COL5A1: variants seen among roughly 807,000 people sequenced by gnomAD.
COL5A1 encodes the protein collagen alpha-1(V) chain.
A neutral mutation model predicts 263.7 loss-of-function variants in COL5A1; 16 were observed. The ratio of observed to expected loss-of-function variants is 0.06; its 90% CI spans 0.04 to 0.09. COL5A1 has a LOEUF of 0.09. Among genes scored for constraint, COL5A1 ranks in the 10% least tolerant of loss-of-function variants. The pLI is 1.00. For synonymous variants in COL5A1, 1,012 were observed against 1,004.5 expected (o/e 1.01, Z -0.14); for missense variants, 2,036 against 2,540.5 (o/e 0.80, Z 4.27).
chr9:134,842,431 C>T lies in COL5A1; in HGVS notation c.*128C>T. On this transcript the variant is annotated 3_prime_UTR_variant, in exon 66 of 66. Coordinates refer to ENST00000371817, the MANE Select transcript of COL5A1 (RefSeq NM_000093.5). The surrounding 1 kb of genome is among the most constrained non-coding windows in gnomAD (Gnocchi z 5.8). ...TCCCTCCCCTCCCACCTGACTTCATCTACGCCTCGGCACCACGGGGTGTGG... is the reference window on the plus strand; with the variant it reads ...TCCCTCCCCTCCCACCTGACTTCATTTACGCCTCGGCACCACGGGGTGTGG... The T allele has an allele frequency of 9.3e-6, 11 of 1,183,230 alleles. No individual in the cohort carries two copies. Among genetic ancestry groups the T allele is most frequent in the Non-Finnish European group, 1.2e-5 (10 of 826,768 alleles). The allele number at this position is 1,183,230 out of a possible 1,614,324, so 73.3% of individuals were successfully genotyped here. A position where few individuals can be genotyped will look rare whatever the true frequency, so the allele number is the denominator to read the frequency against.
At chr9:134,772,225 C>T (rs1836887133) in intron 25 of COL5A1, among the ~76,000 whole-genome samples, 1 of 152,256 alleles carries the variant, frequency 6.6e-6, no homozygotes, top group Non-Finnish European at 1.5e-5. Context: ...AGCCCTCCAC[C>T]CCGCACCAAC....
rs1055440935 is a variant in COL5A1, at chr9:134,678,608, G to A, written c.110-12304G>A. Among the ~76,000 whole-genome samples the A allele has an allele frequency of 1.3e-5, 2 of 152,246 alleles. No individual in the cohort carries two copies. Among genetic ancestry groups the A allele is most frequent in the African/African-American group, 2.4e-5 (1 of 41,466 alleles). On this transcript the variant is annotated intron_variant, in intron 1 of 65. Transcript: ENST00000371817. The surrounding 1 kb of genome is among the most constrained non-coding windows in gnomAD (Gnocchi z 5.5). The stretch of plus-strand genomic sequence containing the variant: ...AGAGCCTGTTTTTATCCTGGCTGCT[G>A]TCATTCCTGAGCTGATGTGCACTCC...
rs3922643 is a variant in COL5A1, at chr9:134,701,534, C to T, written c.654+201C>T. Among the ~76,000 whole-genome samples the T allele has an allele frequency of 0.38, 57,933 of 152,170 alleles. 12,447 individuals are homozygous for T. Among genetic ancestry groups the T allele is most frequent in the African/African-American group, 0.59 (24,427 of 41,528 alleles). On this transcript the variant is annotated intron_variant, in intron 4 of 65. Coordinates refer to ENST00000371817, the MANE Select transcript of COL5A1 (RefSeq NM_000093.5). The stretch of plus-strand genomic sequence containing the variant: ...GGAAATGGAGGGGCCAGAGCTGCTG[C>T]CGCCTGTAGGCCGCGTGGGGATGGC...
chr9:134,715,686 A>G (rs975306361), intron 4 of COL5A1, among the ~76,000 whole-genome samples: 5 of 152,238 alleles, frequency 3.3e-5, no homozygotes, highest in African/African-American at 9.6e-5. Flanking sequence ...TTTGTTTAAC[A>G]AAGCACATCC....
In COL5A1 at chr9:134,757,957, G is replaced by A. The variant is rs1359879713; in HGVS notation, c.1882-286G>A. ...ACTCACACACACGGGAAACTGCAGC[G>A]GTCGCTGAAATACCGCATGACTAAG... On this transcript the variant is annotated intron_variant, in intron 17 of 65. Transcript: ENST00000371817. The surrounding 1 kb of genome is among the most constrained non-coding windows in gnomAD (Gnocchi z 6.2). 2.6e-5 allele frequency among the ~76,000 whole-genome samples: 4 copies of A among 152,184 alleles called. No individual in the cohort carries two copies. Among genetic ancestry groups the A allele is most frequent in the East Asian group, 1.9e-4 (1 of 5,184 alleles).
rs536874107 is a variant in COL5A1 at position 134,843,800 on chromosome 9, A to G, written c.*1497A>G. 1.8e-4 allele frequency: 28 copies of G among 152,812 alleles called. No individual in the cohort carries two copies. Among genetic ancestry groups the G allele is most frequent in the African/African-American group, 6.5e-4 (27 of 41,590 alleles). The allele number at this position is 152,812 out of a possible 1,614,324, so 9.5% of individuals were successfully genotyped here. On this transcript the variant is annotated 3_prime_UTR_variant, in exon 66 of 66. Coordinates refer to ENST00000371817, the MANE Select transcript of COL5A1 (RefSeq NM_000093.5). Reference sequence around the variant, plus strand: ...GATGGAGTAATGTACAATGAACTCCATGAGTCTCTCCAGGGCTGCCTGCAG... The same window carrying G: ...GATGGAGTAATGTACAATGAACTCCGTGAGTCTCTCCAGGGCTGCCTGCAG...
At position 134,842,542 on chromosome 9, in the gene COL5A1, G is replaced by GGCCC; in HGVS notation, c.*244_*247dup. On this transcript the variant is annotated 3_prime_UTR_variant, in exon 66 of 66. Transcript: ENST00000371817. This position sits in a 1 kb window ranked among gnomAD's most constrained non-coding sequence, Gnocchi z 5.8. Reference sequence around the variant, plus strand: ...TGACCTAGCTGCACCCCAGCGCCTGGGCCCGCCCCACGCTCTGTCCACACC... The same window carrying GGCCC: ...TGACCTAGCTGCACCCCAGCGCCTGGGCCCGCCCGCCCCACGCTCTGTCCACACC... The GGCCC allele has an allele frequency of 1.7e-6, 1 of 603,436 alleles. No homozygotes were observed. The highest frequency in any genetic ancestry group is 2.0e-5 in the South Asian group (1 of 51,272). 37.4% of individuals were successfully genotyped at this position (603,436 alleles called of 1,614,324 possible).
chr9:134,687,493 TCCATCCAC>T (rs1379183991), intron 1 of COL5A1, among the ~76,000 whole-genome samples: 1 of 152,050 alleles, frequency 6.6e-6, no homozygotes, highest in Non-Finnish European at 1.5e-5. Flanking sequence ...CATCCATCCA[TCCATCCAC>T]CATGTGATGG....
intron 63 of COL5A1, among the ~76,000 whole-genome samples, chr9:134,828,193 C>T (rs1026444026): frequency 6.6e-6 from 1 of 152,144 alleles, no homozygotes; most frequent in Non-Finnish European, 1.5e-5. Context: ...GCAGGTCTCC[C>T]CTCAGAGGAA....
chr9:134,756,964 G>A (rs1448810233), intron 17 of COL5A1, 146 bp downstream of exon 17: 1 of 814,516 alleles, frequency 1.2e-6, no homozygotes, highest in Admixed American at 2.0e-5. Flanking sequence ...TGAAGATAGG[G>A]TTGGTGGGTG....
chr9:134,654,878 G>A (rs1366163115), intron 1 of COL5A1, among the ~76,000 whole-genome samples: 8 of 131,498 alleles, frequency 6.1e-5, no homozygotes, highest in Admixed American at 1.5e-4. Context: ...CTAGGGCTGG[G>A]GGTGTGTAGG....
intron 30 of COL5A1, 60 bp from the exon 31 acceptor site, chr9:134,785,935 C>G (rs1393209388): frequency 2.7e-6 from 4 of 1,507,184 alleles, no homozygotes; most frequent in Non-Finnish European, 3.7e-6. Flanking sequence ...TCTCTCTGCT[C>G]CGGGGAAACG....
At chr9:134,654,478 G>A (rs1831846651) in intron 1 of COL5A1, among the ~76,000 whole-genome samples, 2 of 133,052 alleles carry the variant, frequency 1.5e-5, no homozygotes, top group Non-Finnish European at 1.6e-5. Flanking sequence ...AGGTGTGTAG[G>A]GCTGGAGTTG....
At chr9:134,802,445 A>AG (rs891020981) in intron 38 of COL5A1, among the ~76,000 whole-genome samples, 6 of 152,194 alleles carry the variant, frequency 3.9e-5, no homozygotes, top group Admixed American at 3.9e-4. Flanking sequence ...CAGAACGGGG[A>AG]GGGGTCACCT....
chr9:134,795,441 C>T, intron 34 of COL5A1, 126 bp downstream of exon 34: 1 of 817,462 alleles, frequency 1.2e-6, no homozygotes, highest in Non-Finnish European at 1.9e-6. Flanking sequence ...AGGACATTTT[C>T]TTAGGTGTGT....
chr9:134,833,219 G>T (rs920112216), intron 64 of COL5A1, among the ~76,000 whole-genome samples: 1 of 152,212 alleles, frequency 6.6e-6, no homozygotes, highest in Admixed American at 6.5e-5. Flanking sequence ...AAGATGCATC[G>T]ATGTCCCCTG....
rs369945188 is a variant in COL5A1, at chr9:134,815,605, C to T, written c.4044C>T (p.Gly1348=). ...CAGTGGGTTTTCCTGGAGATCCTGGCCCCCCCGGAGAGCCTGGCCCCGCGG... is the reference window on the plus strand; with the variant it reads ...CAGTGGGTTTTCCTGGAGATCCTGGTCCCCCCGGAGAGCCTGGCCCCGCGG... ...PGPVGFPGDP[G]PPGEPGPAGQ... is the part of the protein sequence containing the mutation. The change falls in exon 51 of 66, where the codon GGC becomes GGT. Residue 1348 remains glycine, a synonymous_variant. Transcript: ENST00000371817. The T allele has an allele frequency of 2.0e-5, 32 of 1,612,956 alleles. No individual in the cohort carries two copies. The highest frequency in any genetic ancestry group is 2.3e-5 in the Non-Finnish European group (27 of 1,179,572).
chr9:134,760,909 GCACA>G (rs535850529), intron 18 of COL5A1, among the ~76,000 whole-genome samples: 18 of 133,412 alleles, frequency 1.3e-4, no homozygotes, highest in African/African-American at 4.1e-4. Flanking sequence ...ATACACACAT[GCACA>G]CACACACGTA....
chr9:134,643,539 G>T (rs945320964), intron 1 of COL5A1, among the ~76,000 whole-genome samples: 1 of 152,174 alleles, frequency 6.6e-6, no homozygotes, highest in Non-Finnish European at 1.5e-5. Flanking sequence ...AACTGGATGA[G>T]CTGGAGTCTG....
Sources: gnomAD v4.1 joint callset for allele counts (sites outside exome capture counted in the v4.1 genomes callset) on GRCh38, gnomAD v4.1.1 for gene constraint, Gnocchi (gnomAD v3.1) non-coding constraint, MANE v1.5 for transcripts, NCBI Gene and HGNC (gene_info 2026-07-23, HGNC 2026-07-21) for gene names.